Variants in MEGF11 observed in about 807,000 individuals in gnomAD.
MEGF11 encodes the protein multiple epidermal growth factor-like domains protein 11.
In MEGF11, 126 loss-of-function variants were observed where a neutral mutation model predicts 146.6. The observed-to-expected ratio is 0.86, with a 90% CI of 0.74 to 1.00. The LOEUF (loss-of-function observed/expected upper bound fraction) is 1.00. Among genes scored for constraint, MEGF11 ranks in the 50% least tolerant of loss-of-function variants. The pLI is 0.00. For missense variants in MEGF11, 1,509 were observed against 1,521.2 expected (o/e 0.99, Z 0.13); for synonymous variants, 532 against 583.4 (o/e 0.91, Z 1.27).
rs1596966231 is a variant in MEGF11, at chr15:65,993,930, G to A, written c.395-11442C>T. ...CCTTCCAGACGTCAGTGTCCCCCTTGGCAAAAAACAGGATCAGGCCAGATG... is the reference window on the plus strand; with the variant it reads ...CCTTCCAGACGTCAGTGTCCCCCTTAGCAAAAAACAGGATCAGGCCAGATG... On this transcript the variant is annotated intron_variant, in intron 5 of 25. Transcript: ENST00000395614. Among the ~76,000 whole-genome samples the A allele has an allele frequency of 3.3e-5, 5 of 152,190 alleles. No homozygotes were observed. The Middle Eastern group carries it at 0.014, about 414-fold the overall frequency.
At chr15:66,155,931 C>T (rs866132359) in intron 1 of MEGF11, among the ~76,000 whole-genome samples, 4 of 152,178 alleles carry the variant, frequency 2.6e-5, no homozygotes. Context: ...GTGGTGGGAG[C>T]GGGTGATGGT....
chr15:66,041,338 G>T (rs545174195), intron 5 of MEGF11, among the ~76,000 whole-genome samples: 5 of 152,358 alleles, frequency 3.3e-5, no homozygotes, highest in Admixed American at 1.3e-4. Flanking sequence ...ACAAGATGAA[G>T]AACTTCTCTG....
chr15:66,113,418 G>T (rs1360121361), intron 4 of MEGF11, among the ~76,000 whole-genome samples: 5 of 152,184 alleles, frequency 3.3e-5, no homozygotes, highest in Non-Finnish European at 7.3e-5. Flanking sequence ...AAGCTTGAGG[G>T]AGTTCATTTG....
At chr15:65,992,456 G>GC (rs1555459388) in intron 5 of MEGF11, among the ~76,000 whole-genome samples, 1 of 144,930 alleles carries the variant, frequency 6.9e-6, no homozygotes, top group Non-Finnish European at 1.5e-5. Flanking sequence ...TGTGTGGGGG[G>GC]GGGGGTTAGT....
chr15:65,985,677 T>C (rs1203051729), intron 5 of MEGF11, among the ~76,000 whole-genome samples: 1 of 151,990 alleles, frequency 6.6e-6, no homozygotes, highest in Non-Finnish European at 1.5e-5. Context: ...AACACTTGGG[T>C]GTTTTCATTC....
rs866510092 is a variant in MEGF11, at chr15:66,203,597, G to A, written c.-9+50008C>T. ...AGAACTCTGACCAGAGGTCCCCAGA[G>A]AGAAACTGAGTCAGAGAGTCCCAGC... On this transcript the variant is annotated intron_variant, in intron 1 of 25. Coordinates refer to ENST00000395614, the MANE Select transcript of MEGF11 (RefSeq NM_001385028.1). Among the ~76,000 whole-genome samples the A allele has an allele frequency of 3.3e-5, 5 of 152,290 alleles. No homozygotes were observed. The South Asian group carries it at 8.3e-4, about 25-fold the overall frequency.
chr15:66,232,228 C>G (rs2091981699), intron 1 of MEGF11, among the ~76,000 whole-genome samples: 1 of 152,206 alleles, frequency 6.6e-6, no homozygotes, highest in Admixed American at 6.5e-5. Context: ...GCACCAAGAC[C>G]TACAGGCTGT....
intron 10 of MEGF11, among the ~76,000 whole-genome samples, chr15:65,943,707 C>G (rs1040997516): frequency 9.2e-5 from 14 of 152,148 alleles, no homozygotes; most frequent in African/African-American, 3.1e-4. Context: ...GGTGGTGTGA[C>G]AGCTGTGGGG....
chr15:66,164,932 C>G (rs1469600350), intron 1 of MEGF11, among the ~76,000 whole-genome samples: 2 of 152,162 alleles, frequency 1.3e-5, no homozygotes, highest in African/African-American at 2.4e-5. Flanking sequence ...AGGGAGGGGG[C>G]TCAGGGGCAG....
intron 5 of MEGF11, among the ~76,000 whole-genome samples, chr15:65,985,483 A>G (rs17239768): frequency 0.12 from 17,623 of 150,948 alleles, 1,229 homozygotes; most frequent in Middle Eastern, 0.2. Context: ...CTGCCCTGAG[A>G]CCTTGGTTCT....
At chr15:66,178,478 CTGTT>C (rs1386557507) in intron 1 of MEGF11, among the ~76,000 whole-genome samples, 1 of 152,198 alleles carries the variant, frequency 6.6e-6, no homozygotes, top group Non-Finnish European at 1.5e-5. Flanking sequence ...ACGGCCAGCT[CTGTT>C]TGTTGCTGTC....
chr15:66,150,823 CGAGAGAGAGAGAGAGAGA>C (rs66595752), intron 1 of MEGF11, among the ~76,000 whole-genome samples: 2,115 of 104,352 alleles, frequency 0.02, 54 homozygotes, highest in African/African-American at 0.067. Flanking sequence ...AATGCCCTGT[CGAGAGAGAGAGAGAGAGA>C]GAGAGAGAGA....
rs1443557146 is a variant in MEGF11 at position 65,980,802 on chromosome 15, C to G, written c.738G>C (p.Glu246Asp). The stretch of plus-strand genomic sequence containing the variant: ...CCGTCCAGCCTGGGGGGCAGGCACA[C>G]TCGCCAGTGATGTGGTGGCAGGTGC... ...NGGTCHHITG[E>D]CACPPGWTGA... Residue 246 changes from glutamate to aspartate, a missense_variant, in exon 7 of 26, where the codon GAG becomes GAC. Transcript: ENST00000395614. 6.2e-7 allele frequency: 1 copy of G among 1,607,290 alleles called. No individual in the cohort carries two copies. The highest frequency in any genetic ancestry group is 8.5e-7 in the Non-Finnish European group (1 of 1,177,126).
chr15:66,097,614 T>A (rs2086608857), intron 4 of MEGF11, among the ~76,000 whole-genome samples: 1 of 152,216 alleles, frequency 6.6e-6, no homozygotes, highest in African/African-American at 2.4e-5. Context: ...GCACCAGCCG[T>A]GTGATGGGGC....
chr15:65,994,628 C>T (rs950328380), intron 5 of MEGF11, among the ~76,000 whole-genome samples: 3 of 152,104 alleles, frequency 2.0e-5, no homozygotes, highest in Non-Finnish European at 4.4e-5. Context: ...CCTGGGCAGC[C>T]GAGAGTCAGC....
At chr15:66,165,554 C>G (rs902781756) in intron 1 of MEGF11, among the ~76,000 whole-genome samples, 1 of 152,138 alleles carries the variant, frequency 6.6e-6, no homozygotes, top group Admixed American at 6.5e-5. Flanking sequence ...CTGCCCTGCC[C>G]CAGCTCTCGC....
intron 13 of MEGF11, among the ~76,000 whole-genome samples, chr15:65,925,539 C>T (rs548565427): frequency 2.6e-5 from 4 of 152,344 alleles, no homozygotes; most frequent in African/African-American, 7.2e-5. Context: ...AAGGGGCTGG[C>T]CTTGGCCTTT....
At chr15:66,027,689 G>T (rs764919217) in intron 5 of MEGF11, among the ~76,000 whole-genome samples, 6 of 152,056 alleles carry the variant, frequency 3.9e-5, no homozygotes, top group Non-Finnish European at 8.8e-5. Context: ...CTTGGGTGGG[G>T]GTGGCAAGAA....
intron 4 of MEGF11, among the ~76,000 whole-genome samples, chr15:66,102,227 G>A (rs1267269238): frequency 2.0e-3 from 3 of 1,480 alleles, no homozygotes; most frequent in Non-Finnish European, 0.026. Context: ...CGAGCTGTTC[G>A]AACCACCAAT....
Sources: gnomAD v4.1 joint callset for allele counts (sites outside exome capture counted in the v4.1 genomes callset) on GRCh38, gnomAD v4.1.1 for gene constraint, MANE v1.5 for transcripts, NCBI Gene and HGNC (gene_info 2026-07-23, HGNC 2026-07-21) for gene names.